KLHL1: variants seen among roughly 807,000 people sequenced by gnomAD.
KLHL1 encodes kelch like family member 1.
KLHL1 carries 47 observed loss-of-function variants against 77.7 expected under a neutral mutation model. The observed-to-expected ratio is 0.60, with a 90% confidence interval of 0.48 to 0.77. The LOEUF is 0.77. KLHL1 is among the 30% of genes least tolerant of loss of function. The probability of loss-of-function intolerance (pLI) is 0.00; values close to 1 mark genes in which losing one functional copy is unlikely to be tolerated. For missense variants in KLHL1, 925 were observed against 910.8 expected (o/e 1.02, Z -0.20); for synonymous variants, 360 against 325.2 (o/e 1.11, Z -1.15).
chr13:69,897,049 A>T (rs951573763), intron 4 of KLHL1, among the ~76,000 whole-genome samples: 3 of 152,198 alleles, frequency 2.0e-5, no homozygotes, highest in Non-Finnish European at 4.4e-5. Flanking sequence ...ATAGAATAGT[A>T]TTGATAATAT....
chr13:69,879,469 TACTC>T (rs1880900982), intron 5 of KLHL1, among the ~76,000 whole-genome samples: 1 of 152,178 alleles, frequency 6.6e-6, no homozygotes, highest in Admixed American at 6.5e-5. Context: ...CATGTGTAAA[TACTC>T]ACAACATATG....
At chr13:69,771,806 C>A (rs1875582032) in intron 7 of KLHL1, among the ~76,000 whole-genome samples, 1 of 151,974 alleles carries the variant, frequency 6.6e-6, no homozygotes. Context: ...TAATATTTGT[C>A]TTTTACTCTG....
At chr13:69,973,095 T>TA (rs1884439379) in intron 2 of KLHL1, among the ~76,000 whole-genome samples, 1 of 151,936 alleles carries the variant, frequency 6.6e-6, no homozygotes, top group Admixed American at 6.6e-5. Flanking sequence ...CATGCAGAAA[T>TA]ATATTAATGG....
chr13:69,881,672 A>G (rs1357063010), intron 5 of KLHL1, among the ~76,000 whole-genome samples: 1 of 152,036 alleles, frequency 6.6e-6, no homozygotes, highest in Non-Finnish European at 1.5e-5. Context: ...GTTCTTATTA[A>G]TTTTTCTGTA....
intron 5 of KLHL1, among the ~76,000 whole-genome samples, chr13:69,860,366 T>G (rs1052087245): frequency 2.0e-5 from 3 of 152,032 alleles, no homozygotes; most frequent in Non-Finnish European, 4.4e-5. Context: ...AATGGTAAGA[T>G]TCTCAGAAAA....
At chr13:69,824,637 C>A (rs938727036) in intron 6 of KLHL1, among the ~76,000 whole-genome samples, 3 of 151,224 alleles carry the variant, frequency 2.0e-5, no homozygotes, top group African/African-American at 7.3e-5. Flanking sequence ...TTGAAAAAAT[C>A]TTAGATAAAA....
intron 1 of KLHL1, among the ~76,000 whole-genome samples, chr13:70,062,314 T>G (rs937149773): frequency 1.3e-5 from 2 of 152,208 alleles, no homozygotes; most frequent in Non-Finnish European, 2.9e-5. Context: ...TGTATTTACA[T>G]CTAAACTATT....
chr13:69,785,878 C>T (rs546818875), intron 7 of KLHL1, among the ~76,000 whole-genome samples: 3 of 152,322 alleles, frequency 2.0e-5, no homozygotes, highest in African/African-American at 7.2e-5. Flanking sequence ...ACTACAAACA[C>T]ATCTACGCAA....
chr13:69,849,553 C>T (rs1190381248), intron 5 of KLHL1, among the ~76,000 whole-genome samples: 1 of 151,404 alleles, frequency 6.6e-6, no homozygotes, highest in African/African-American at 2.4e-5. Context: ...TAAAATATGA[C>T]CCGAATCTTC....
At chr13:69,822,255 T>C (rs1473355449) in intron 6 of KLHL1, among the ~76,000 whole-genome samples, 1 of 151,314 alleles carries the variant, frequency 6.6e-6, no homozygotes, top group Non-Finnish European at 1.5e-5. Context: ...CAATGAATAT[T>C]GGCAGCAGAT....
At chr13:69,856,682 A>G (rs1879933468) in intron 5 of KLHL1, among the ~76,000 whole-genome samples, 1 of 152,106 alleles carries the variant, frequency 6.6e-6, no homozygotes. Context: ...GTAATCTTAC[A>G]TAATAAATAC....
chr13:69,746,684 C>T lies in KLHL1; in HGVS notation c.1640-6128G>A, dbSNP rs566235154. Among the ~76,000 whole-genome samples the T allele has an allele frequency of 4.0e-5, 6 of 151,490 alleles. No individual in the cohort carries two copies. In the South Asian group the frequency reaches 6.3e-4, roughly 16 times the overall value. ...AATATTTCATTTTTTTCCTTTTCCCCGTGTGTCACCTTATTGTTGAGAGAA... is the reference window on the plus strand; with the variant it reads ...AATATTTCATTTTTTTCCTTTTCCCTGTGTGTCACCTTATTGTTGAGAGAA... On this transcript the variant is annotated intron_variant, in intron 7 of 10. Transcript: ENST00000377844.
intron 7 of KLHL1, among the ~76,000 whole-genome samples, chr13:69,780,379 A>T (rs1288284795): frequency 2.6e-5 from 4 of 152,116 alleles, no homozygotes; most frequent in Non-Finnish European, 5.9e-5. Context: ...TTTTAAAGAA[A>T]CATATTGTCT....
chr13:70,005,872 T>C (rs774347013), intron 1 of KLHL1, among the ~76,000 whole-genome samples: 1 of 151,678 alleles, frequency 6.6e-6, no homozygotes, highest in Non-Finnish European at 1.5e-5. Flanking sequence ...AGAACTCTTA[T>C]CATGAGATCT....
At chr13:69,884,618 A>G (rs1881125733) in intron 4 of KLHL1, among the ~76,000 whole-genome samples, 1 of 152,122 alleles carries the variant, frequency 6.6e-6, no homozygotes, top group Admixed American at 6.5e-5. Flanking sequence ...TCCTAGTGGT[A>G]TCTGTCATAA....
rs1006175107 is a variant in KLHL1 at position 69,882,505 on chromosome 13, G to A, written c.1015-10C>T. ...CTTCCATTATGTTTTCCTGCAGGGA[G>A]AAAATATCTTGGCATAAATTCTGTT... On this transcript the variant is annotated splice_polypyrimidine_tract_variant and intron_variant, in intron 4 of 10. Coordinates refer to ENST00000377844, the MANE Select transcript of KLHL1 (RefSeq NM_020866.3). 6.3e-7 allele frequency: 1 copy of A among 1,587,662 alleles called. No homozygotes were observed. The highest frequency in any genetic ancestry group is 8.6e-7 in the Non-Finnish European group (1 of 1,156,822).
chr13:70,052,629 C>T (rs1382259409), intron 1 of KLHL1, among the ~76,000 whole-genome samples: 1 of 151,668 alleles, frequency 6.6e-6, no homozygotes, highest in Non-Finnish European at 1.5e-5. Flanking sequence ...TATTTATTAA[C>T]TATTAAAATA....
intron 6 of KLHL1, among the ~76,000 whole-genome samples, chr13:69,818,465 C>T (rs1302182992): frequency 6.6e-6 from 1 of 151,942 alleles, no homozygotes; most frequent in South Asian, 2.1e-4. Context: ...GTGATCCACC[C>T]ACCTCGGCCT....
At chr13:69,782,132 C>A (rs1005325585) in intron 7 of KLHL1, among the ~76,000 whole-genome samples, 1 of 152,180 alleles carries the variant, frequency 6.6e-6, no homozygotes, top group African/African-American at 2.4e-5. Flanking sequence ...TAAGCTCTCT[C>A]TTGGAAGATG....
Sources: allele counts gnomAD v4.1 joint callset (sites outside exome capture counted in the v4.1 genomes callset), GRCh38; gene constraint gnomAD v4.1.1; transcripts MANE v1.5; gene names NCBI Gene and HGNC (gene_info 2026-07-23, HGNC 2026-07-21).